The following PTER variants were observed in gnomAD, a reference collection of about 807,000 sequenced individuals.
PTER encodes the protein phosphotriesterase related, also known as N-acetyltaurine hydrolase.
PTER carries 38 observed loss-of-function variants against 29.6 expected under a neutral mutation model. The ratio of observed to expected loss-of-function variants is 1.28; its 90% CI spans 0.99 to 1.68. PTER has a LOEUF of 1.68. Among genes scored for constraint, PTER ranks in the 40% most tolerant of loss-of-function variants. The probability of loss-of-function intolerance (pLI) is 0.00; values close to 1 mark genes in which losing one functional copy is unlikely to be tolerated. For missense variants in PTER, 482 were observed against 427.8 expected (o/e 1.13, Z -1.12); for synonymous variants, 172 against 154.5 (o/e 1.11, Z -0.84).
chr10:16,490,091 A>G (rs79001240), intron 3 of PTER, among the ~76,000 whole-genome samples: 163 of 152,320 alleles, frequency 1.1e-3, no homozygotes, highest in African/African-American at 3.8e-3. Flanking sequence ...ACTGAACACT[A>G]CAGCTTAACG....
chr10:16,438,920 C>CAAAA lies in PTER; in HGVS notation c.-49+1888_-49+1891dup, dbSNP rs71374688. On this transcript the variant is annotated intron_variant, in intron 1 of 4. Coordinates refer to ENST00000535784, the MANE Select transcript of PTER (RefSeq NM_001261836.2). Reference sequence around the variant, plus strand: ...TGGGTGTCAGAGCAAGACTCTGTCTCAAAAAAAAAAAAAAAAAAGGTAAGT... The same window carrying CAAAA: ...TGGGTGTCAGAGCAAGACTCTGTCTCAAAAAAAAAAAAAAAAAAAAAAGGTAAGT... 5.0e-3 allele frequency among the ~76,000 whole-genome samples: 502 copies of CAAAA among 101,280 alleles called. 13 individuals are homozygous for CAAAA. Among genetic ancestry groups the CAAAA allele is most frequent in the African/African-American group, 0.016 (431 of 27,330 alleles). The allele number at this position is 101,280 out of a possible 152,430, so 66.4% of individuals were successfully genotyped here.
In PTER at chr10:16,513,432, A is replaced by T. The variant is rs1055337; in HGVS notation, c.*2176A>T. On this transcript the variant is annotated 3_prime_UTR_variant, in exon 5 of 5. Transcript: ENST00000535784. ...TTTATATGTATATGTTTTATACATA[A>T]ATAAAACATTTCATCTAATATATAT... The T allele has an allele frequency of 0.6, 90,941 of 152,270 alleles. 28,064 individuals are homozygous for T. Among genetic ancestry groups the T allele is most frequent in the African/African-American group, 0.76 (31,350 of 41,438 alleles). The allele number at this position is 152,270 out of a possible 1,614,324, so 9.4% of individuals were successfully genotyped here.
At chr10:16,479,614 T>C (rs1835403175) in intron 1 of PTER, among the ~76,000 whole-genome samples, 1 of 152,194 alleles carries the variant, frequency 6.6e-6, no homozygotes, top group South Asian at 2.1e-4. Context: ...GCTGATCTAT[T>C]TGGGCCAGAC....
chr10:16,481,636 C>T (rs1835484342), intron 1 of PTER, among the ~76,000 whole-genome samples: 1 of 151,912 alleles, frequency 6.6e-6, no homozygotes, highest in Non-Finnish European at 1.5e-5. Flanking sequence ...GAAGGGATGA[C>T]ATTTCTTAAG....
Position 16,508,345 on chromosome 10 carries a change from T to G in PTER, c.840-2701T>G, listed in dbSNP as rs578094460. 7.0e-4 allele frequency among the ~76,000 whole-genome samples: 106 copies of G among 152,194 alleles called. 1 individual carries two copies. The highest frequency in any genetic ancestry group is 1.1e-3 in the Non-Finnish European group (78 of 68,016). ...GGCCTCCTAAAGTGCTGGGATTACA[T>G]GTGTGAGCCACCGCGCCCGGCCTCA... On this transcript the variant is annotated intron_variant, in intron 4 of 4. Coordinates refer to ENST00000535784, the MANE Select transcript of PTER (RefSeq NM_001261836.2).
At chr10:16,467,136 C>T (rs1294306929) in intron 1 of PTER, among the ~76,000 whole-genome samples, 1 of 152,120 alleles carries the variant, frequency 6.6e-6, no homozygotes, top group Non-Finnish European at 1.5e-5. Context: ...TTTCAGTTAC[C>T]TGTAGTCAAC....
intron 1 of PTER, among the ~76,000 whole-genome samples, chr10:16,449,432 T>TC (rs1202400270): frequency 4.0e-4 from 57 of 142,346 alleles, no homozygotes; most frequent in Middle Eastern, 3.5e-3. Context: ...AATTTTCTTT[T>TC]TTTTTTTTTT....
intron 1 of PTER, chr10:16,437,363 G>T (rs1457228312): frequency 3.4e-5 from 5 of 149,246 alleles, no homozygotes; most frequent in Non-Finnish European, 7.4e-5. Flanking sequence ...TTAGATTCAG[G>T]GTCTGGCTCT....
intron 1 of PTER, among the ~76,000 whole-genome samples, chr10:16,473,317 AACCTCATGATATATTC>A (rs1405917417): frequency 6.6e-6 from 1 of 152,120 alleles, no homozygotes. Flanking sequence ...TATACTGTGG[AACCTCATGATATATTC>A]ATTATGAGTC....
intron 1 of PTER, among the ~76,000 whole-genome samples, chr10:16,483,415 G>T (rs574346348): frequency 6.6e-6 from 1 of 152,278 alleles, no homozygotes; most frequent in South Asian, 2.1e-4. Flanking sequence ...GTGCTCCTCA[G>T]TTGTTTTGGG....
chr10:16,448,087 T>C (rs1267765461), intron 1 of PTER, among the ~76,000 whole-genome samples: 2 of 152,116 alleles, frequency 1.3e-5, no homozygotes. Context: ...AACGTTCAGT[T>C]TCTACCAAAG....
intron 1 of PTER, among the ~76,000 whole-genome samples, chr10:16,472,888 A>C (rs1467266066): frequency 6.6e-6 from 1 of 152,148 alleles, no homozygotes; most frequent in Non-Finnish European, 1.5e-5. Context: ...CATTTCTAAG[A>C]AGTCAACATT....
At chr10:16,493,730 G>GGAGT (rs1835990195) in intron 3 of PTER, among the ~76,000 whole-genome samples, 2 of 151,880 alleles carry the variant, frequency 1.3e-5, no homozygotes. Context: ...GGGGAGGGAG[G>GGAGT]GAGAAGAGAA....
At chr10:16,515,231 A>G (rs1177069032), downstream of PTER, among the ~76,000 whole-genome samples, 1 of 151,434 alleles carries the variant, frequency 6.6e-6, no homozygotes, top group African/African-American at 2.4e-5. Context: ...AAAGAAAAAA[A>G]AAAAAAAGAA....
chr10:16,508,885 A>G (rs972456477), intron 4 of PTER, among the ~76,000 whole-genome samples: 1 of 152,174 alleles, frequency 6.6e-6, no homozygotes. Context: ...AAAGGACCAC[A>G]GGGTCCTTTT....
intron 3 of PTER, among the ~76,000 whole-genome samples, chr10:16,497,921 A>T (rs973798349): frequency 6.7e-6 from 1 of 148,626 alleles, no homozygotes; most frequent in Admixed American, 6.7e-5. Flanking sequence ...TTTGGACACC[A>T]TTTTTTTTTT....
intron 1 of PTER, among the ~76,000 whole-genome samples, chr10:16,437,688 C>G (rs1191640919): frequency 6.6e-6 from 1 of 152,148 alleles, no homozygotes; most frequent in Non-Finnish European, 1.5e-5. Context: ...CCTGTGCACT[C>G]TTGCTTAATC....
At chr10:16,449,206 T>C (rs990096658) in intron 1 of PTER, among the ~76,000 whole-genome samples, 1 of 152,142 alleles carries the variant, frequency 6.6e-6, no homozygotes, top group Admixed American at 6.5e-5. Context: ...TATTTGGCCT[T>C]TCCCAGCATA....
At chr10:16,492,892 G>T (rs1023730054) in intron 3 of PTER, among the ~76,000 whole-genome samples, 1 of 152,200 alleles carries the variant, frequency 6.6e-6, no homozygotes. Flanking sequence ...TAGGGAACTG[G>T]CCGACAGCAC....
Sources: allele counts gnomAD v4.1 joint callset (sites outside exome capture counted in the v4.1 genomes callset), GRCh38; gene constraint gnomAD v4.1.1; transcripts MANE v1.5; gene names NCBI Gene and HGNC (gene_info 2026-07-23, HGNC 2026-07-21).